The following ZSCAN10 variants were observed in gnomAD, a reference collection of about 807,000 sequenced individuals.
The protein encoded by ZSCAN10 is zinc finger and SCAN domain containing 10, also known as zinc finger and SCAN domain-containing protein 10.
Under a neutral mutation model 63.7 loss-of-function variants are expected in ZSCAN10, and 52 were observed. That is an observed-to-expected ratio of 0.82 (90% CI 0.65 to 1.03). The LOEUF (loss-of-function observed/expected upper bound fraction) is 1.03, where lower values mean the gene tolerates loss of function less well. Among genes scored for constraint, ZSCAN10 ranks in the 50% least tolerant of loss-of-function variants. ZSCAN10 has a pLI of 0.00. For synonymous variants in ZSCAN10, 544 were observed against 479.6 expected (o/e 1.13, Z -1.76); for missense variants, 1,223 against 1,103.8 (o/e 1.11, Z -1.53).
At position 3,090,292 on chromosome 16, in the gene ZSCAN10, CA is replaced by C. The variant is rs1383840513; in HGVS notation, c.1141del (p.Cys381AlafsTer39). The C allele has an allele frequency of 1.2e-6, 2 of 1,609,488 alleles. No homozygotes were observed. Among genetic ancestry groups the C allele is most frequent in the African/African-American group, 2.7e-5 (2 of 74,854 alleles). ...GGAGCTGCGGCCGAAGCTCTTCCCG[CA>C]GCAAAGGCACAGGAAGGAGCGCCCA... ...PAGRSFLCLC[C>X]GKSFGRSSIL... On this transcript the variant is annotated frameshift_variant, in exon 6 of 6. Transcript: ENST00000576985. LOFTEE classifies it high-confidence loss of function.
chr16:3,098,391 G>T (rs2151219828), intron 1 of ZSCAN10, among the ~76,000 whole-genome samples: 1 of 152,098 alleles, frequency 6.6e-6, no homozygotes, highest in East Asian at 1.9e-4. Context: ...AGAACACAGT[G>T]CCAAAGCTCT....
In ZSCAN10 at chr16:3,090,401, A is replaced by T. The variant is rs760714299; in HGVS notation, c.1033T>A (p.Leu345Met). 6 of 1,613,200 alleles carry T rather than the reference A, an allele frequency of 3.7e-6. No individual in the cohort carries two copies. In the African/African-American group the frequency reaches 5.3e-5, roughly 14 times the overall value. ...AEGVPEPNPE[L>M]QFICADCGVS... The stretch of plus-strand genomic sequence containing the variant: ...CCGCAGTCCGCGCAGATGAACTGCA[A>T]CTCCGGATTGGGCTCGGGGACGCCC... The change falls in exon 6 of 6, where the codon TTG (leucine) becomes ATG (methionine). Residue 345 changes from leucine to methionine, a missense_variant. Coordinates refer to ENST00000576985, the MANE Select transcript of ZSCAN10 (RefSeq NM_032805.3).
Position 3,089,193 on chromosome 16 carries a change from C to A in ZSCAN10, c.2241G>T (p.Thr747=). The change falls in exon 6 of 6, where the codon ACG becomes ACT. Residue 747 remains threonine, a synonymous_variant. Transcript: ENST00000576985. Reference sequence around the variant, plus strand: ...GCGTGCAGGAGTAGGGCCTGGCGCCCGTGTGCACCAGCAGGTGTCGCAGCA... The same window carrying A: ...GCGTGCAGGAGTAGGGCCTGGCGCCAGTGTGCACCAGCAGGTGTCGCAGCA... The part of the protein sequence containing the change: ...CNLLRHLLVH[T]GARPYSCTQC... 1 of 1,580,334 alleles carries A rather than the reference C, an allele frequency of 6.3e-7. No homozygotes were observed.
intron 5 of ZSCAN10, 73 bp from the exon 6 acceptor site, chr16:3,090,719 G>C: frequency 8.3e-6 from 12 of 1,449,026 alleles, no homozygotes; most frequent in Non-Finnish European, 1.1e-5. Flanking sequence ...AACCTGATTG[G>C]CCTGGAAGTG....
intron 1 of ZSCAN10, 143 bp from the exon 2 acceptor site, chr16:3,093,147 G>GC: frequency 3.8e-6 from 2 of 523,968 alleles, no homozygotes; most frequent in Middle Eastern, 5.5e-4. Context: ...GGGCAGGACA[G>GC]CCCCCGGTCT....
intron 1 of ZSCAN10, among the ~76,000 whole-genome samples, chr16:3,098,776 C>A (rs1191029915): frequency 6.6e-6 from 1 of 152,238 alleles, no homozygotes; most frequent in Non-Finnish European, 1.5e-5. Context: ...ACCCAGGTCA[C>A]CTGAGAGCCC....
At position 3,089,226 on chromosome 16, in the gene ZSCAN10, G is replaced by A; in HGVS notation, c.2208C>T (p.Ser736=). ...CVECGKSFSR[S]CNLLRHLLVH... is the part of the protein sequence containing the mutation. ...CCAGCAGGTGTCGCAGCAGATTGCA[G>A]CTGCGGCTGAAGCTCTTCCCGCACT... Residue 736 remains serine, a synonymous_variant, in exon 6 of 6, where the codon AGC becomes AGT. Transcript: ENST00000576985. 6.3e-7 allele frequency: 1 copy of A among 1,583,818 alleles called. No individual in the cohort carries two copies. The highest frequency in any genetic ancestry group is 8.5e-7 in the Non-Finnish European group (1 of 1,172,038).
chr16:3,093,841 C>G (rs1240996409), intron 1 of ZSCAN10, among the ~76,000 whole-genome samples: 1 of 151,728 alleles, frequency 6.6e-6, no homozygotes, highest in Non-Finnish European at 1.5e-5. Context: ...TGTGGCAGCA[C>G]GCCCAGCTAA....
chr16:3,091,920 C>A, intron 3 of ZSCAN10, 92 bp from the exon 4 acceptor site: 1 of 1,596,530 alleles, frequency 6.3e-7, no homozygotes, highest in South Asian at 1.1e-5. Context: ...ATCATCCGGG[C>A]CCTGTGAAGA....
At chr16:3,095,818 A>C (rs1596288925) in intron 1 of ZSCAN10, among the ~76,000 whole-genome samples, 5 of 130,990 alleles carry the variant, frequency 3.8e-5, no homozygotes, top group African/African-American at 6.1e-5. Flanking sequence ...ACAGAGCCAG[A>C]CTCCATCTCA....
chr16:3,092,002 C>G (rs1247911422), intron 3 of ZSCAN10, 47 bp downstream of exon 3: 3 of 1,552,724 alleles, frequency 1.9e-6, no homozygotes, highest in Non-Finnish European at 2.6e-6. Context: ...CATCCAGGCC[C>G]CTCCGCGACA....
chr16:3,089,123 G>T lies in ZSCAN10; in HGVS notation c.2311C>A (p.Leu771Met). The change falls in exon 6 of 6, where the codon CTG becomes ATG. Residue 771 changes from leucine to methionine, a missense_variant. Leu to Met is a conservative substitution (Grantham distance 15). Coordinates refer to ENST00000576985, the MANE Select transcript of ZSCAN10 (RefSeq NM_032805.3). ...FSRNSHLLRH[L>M]RTHARETLY Reference sequence around the variant, plus strand: ...AGCGTCTCGCGGGCGTGGGTGCGCAGGTGGCGCAGCAGGTGGGAGTTGCGG... The same window carrying T: ...AGCGTCTCGCGGGCGTGGGTGCGCATGTGGCGCAGCAGGTGGGAGTTGCGG... 6.6e-7 allele frequency: 1 copy of T among 1,519,626 alleles called. No homozygotes were observed. The allele number at this position is 1,519,626 out of a possible 1,614,324, so 94.1% of individuals were successfully genotyped here.
Position 3,090,559 on chromosome 16 carries a change from G to C in ZSCAN10, c.875C>G (p.Ser292Cys). ...AAWPTPILAESQADSPGVPGE... is the reference protein window; with the variant it reads ...AAWPTPILAECQADSPGVPGE... The stretch of plus-strand genomic sequence containing the variant: ...CGGCACCCCAGGACTATCTGCCTGG[G>C]ACTCTGCTAAGATGGGAGTGGGCCA... Residue 292 changes from serine (S) to cysteine (C), a missense_variant, in exon 6 of 6, where the codon TCC (serine) becomes TGC (cysteine). Ser to Cys is a moderately radical substitution (Grantham distance 112). Coordinates refer to ENST00000576985, the MANE Select transcript of ZSCAN10 (RefSeq NM_032805.3). 5 of 1,605,548 alleles carry C rather than the reference G, an allele frequency of 3.1e-6. No homozygotes were observed. Among genetic ancestry groups the C allele is most frequent in the Non-Finnish European group, 2.6e-6 (3 of 1,173,992 alleles).
At chr16:3,091,659 G>C in intron 4 of ZSCAN10, 62 bp from the exon 5 acceptor site, 1 of 1,611,146 alleles carries the variant, frequency 6.2e-7, no homozygotes, top group Non-Finnish European at 8.5e-7. Flanking sequence ...TGTGGGGACT[G>C]AAATGCTTCC....
Position 3,090,270 on chromosome 16 carries a change from G to A in ZSCAN10, c.1164C>T (p.Ser388=). ...TGCGCATGTGCAGCTTGAGAATGGA[G>A]CTGCGGCCGAAGCTCTTCCCGCAGC... is the stretch of plus-strand genomic sequence containing the variant. ...CLCCGKSFGR[S]SILKLHMRTH... Residue 388 remains serine, a synonymous_variant, in exon 6 of 6, where the codon AGC becomes AGT. Coordinates refer to ENST00000576985, the MANE Select transcript of ZSCAN10 (RefSeq NM_032805.3). The A allele has an allele frequency of 6.2e-7, 1 of 1,608,788 alleles. No homozygotes were observed. The highest frequency in any genetic ancestry group is 8.5e-7 in the Non-Finnish European group (1 of 1,179,422).
At chr16:3,092,353 G>T (rs746810498) in intron 2 of ZSCAN10, 37 bp from the exon 3 acceptor site, 20 of 1,561,142 alleles carry the variant, frequency 1.3e-5, no homozygotes, top group Non-Finnish European at 1.6e-5. Flanking sequence ...GACTCCCGGG[G>T]TGGCAACCTG....
Position 3,092,910 on chromosome 16 carries a change from C to T in ZSCAN10, c.28G>A (p.Val10Met), listed in dbSNP as rs11644978. 3.7e-5 allele frequency: 53 copies of T among 1,433,814 alleles called. No individual in the cohort carries two copies. The highest frequency in any genetic ancestry group is 5.2e-5 in the East Asian group (2 of 38,798). 88.8% of individuals were successfully genotyped at this position (1,433,814 alleles called of 1,614,324 possible). MLGESVPAA[V>M]EQEQLGEVKL... is the part of the protein sequence containing the mutation. Reference sequence around the variant, plus strand: ...ACTTCCCCCAGCTGCTCCTGCTCCACGGCAGCTGGGACTGATTCTCCAAGC... The same window carrying T: ...ACTTCCCCCAGCTGCTCCTGCTCCATGGCAGCTGGGACTGATTCTCCAAGC... The change falls in exon 2 of 6, where the codon GTG (valine) becomes ATG (methionine). Residue 10 changes from valine to methionine, a missense_variant. By Grantham distance (21) the Val-to-Met change is conservative. Coordinates refer to ENST00000576985, the MANE Select transcript of ZSCAN10 (RefSeq NM_032805.3).
chr16:3,094,202 C>A (rs1036036474), intron 1 of ZSCAN10, among the ~76,000 whole-genome samples: 1 of 151,970 alleles, frequency 6.6e-6, no homozygotes, highest in Non-Finnish European at 1.5e-5. Flanking sequence ...TTTGTAGACA[C>A]GAGTTCTCAT....
intron 2 of ZSCAN10, 68 bp from the exon 3 acceptor site, chr16:3,092,384 A>G (rs920084002): frequency 9.1e-6 from 14 of 1,537,672 alleles, no homozygotes; most frequent in Non-Finnish European, 6.1e-6. Context: ...CCGAGGGGAC[A>G]TGGGACAGAA....
Sources: gnomAD v4.1 joint callset for allele counts (sites outside exome capture counted in the v4.1 genomes callset) on GRCh38, gnomAD v4.1.1 for gene constraint, MANE v1.5 for transcripts, NCBI Gene and HGNC (gene_info 2026-07-23, HGNC 2026-07-21) for gene names.